Variants in CAPS2 observed in about 807,000 individuals in gnomAD.
The protein encoded by CAPS2 is calcyphosin-2.
Under a neutral mutation model 86.5 loss-of-function variants are expected in CAPS2, and 98 were observed. The observed-to-expected ratio is 1.13, with a 90% CI of 0.96 to 1.34. The LOEUF (loss-of-function observed/expected upper bound fraction) is 1.34. Among genes scored for constraint, CAPS2 ranks in the 40% most tolerant of loss-of-function variants. The pLI, the probability that CAPS2 is intolerant of heterozygous loss-of-function variation, is 0.00. For missense variants in CAPS2, 729 were observed against 686.8 expected, an observed-to-expected ratio of 1.06 and a Z score of -0.69; for synonymous variants, 210 against 225.1, an observed-to-expected ratio of 0.93 and a Z score of 0.60.
intron 1 of CAPS2, among the ~76,000 whole-genome samples, chr12:75,362,232 T>C (rs79607629): frequency 0.038 from 5,851 of 152,144 alleles, 129 homozygotes; most frequent in East Asian, 0.052. Context: ...AAAGAAGATA[T>C]GTAGGTAACA....
intron 1 of CAPS2, among the ~76,000 whole-genome samples, chr12:75,368,927 C>T (rs2139684956): frequency 6.6e-6 from 1 of 151,916 alleles, no homozygotes; most frequent in East Asian, 1.9e-4. Context: ...ATCCACATTT[C>T]AATGAAATTC....
At chr12:75,381,614 G>GTTTT (rs34705874) in intron 1 of CAPS2, among the ~76,000 whole-genome samples, 9 of 87,918 alleles carry the variant, frequency 1.0e-4, no homozygotes, top group African/African-American at 1.9e-4. Flanking sequence ...TTTCTTAAGT[G>GTTTT]TTTTTTTTTT....
upstream of CAPS2, chr12:75,329,800 CT>C (rs1389704014): frequency 9.6e-5 from 146 of 1,526,810 alleles, no homozygotes; most frequent in Non-Finnish European, 1.2e-4. Flanking sequence ...ATCACTCCCC[CT>C]GCTCCCAAAT....
intron 16 of CAPS2, among the ~76,000 whole-genome samples, chr12:75,280,336 T>A (rs193275565): frequency 6.6e-6 from 1 of 151,998 alleles, no homozygotes; most frequent in Non-Finnish European, 1.5e-5. Context: ...TGGGGTACTT[T>A]TTTTCTTCTT....
chr12:75,345,755 T>C (rs1332660886), intron 1 of CAPS2, among the ~76,000 whole-genome samples: 1 of 152,174 alleles, frequency 6.6e-6, no homozygotes, highest in African/African-American at 2.4e-5. Flanking sequence ...TAAGATGATA[T>C]CAAGGCTGAG....
At chr12:75,378,583 A>G (rs2044785714) in intron 1 of CAPS2, among the ~76,000 whole-genome samples, 1 of 152,146 alleles carries the variant, frequency 6.6e-6, no homozygotes, top group Middle Eastern at 3.2e-3. Context: ...CAAATGTTGA[A>G]AACTCAGGCA....
At chr12:75,377,425 A>G (rs2044706433) in intron 1 of CAPS2, among the ~76,000 whole-genome samples, 2 of 152,214 alleles carry the variant, frequency 1.3e-5, no homozygotes, top group Non-Finnish European at 2.9e-5. Context: ...CAAGGAAGCC[A>G]GCAGTGGCTC....
chr12:75,370,166 G>A, intron 1 of CAPS2: 2 of 1,534,136 alleles, frequency 1.3e-6, no homozygotes, highest in Non-Finnish European at 1.8e-6. Flanking sequence ...CTTCTTCTGA[G>A]AATCTTTTAA....
chr12:75,310,241 A>G (rs753736389), intron 7 of CAPS2, among the ~76,000 whole-genome samples: 4 of 152,244 alleles, frequency 2.6e-5, no homozygotes, highest in Non-Finnish European at 4.4e-5. Context: ...AGAAATGGTA[A>G]GAAGATACAA....
chr12:75,311,593 C>G (rs188277882), intron 7 of CAPS2, among the ~76,000 whole-genome samples: 224 of 151,600 alleles, frequency 1.5e-3, no homozygotes, highest in Non-Finnish European at 2.5e-3. Context: ...AATAACTGAG[C>G]TGTTGGGCAC....
intron 2 of CAPS2, among the ~76,000 whole-genome samples, chr12:75,325,038 T>A (rs1244287995): frequency 6.6e-6 from 1 of 152,112 alleles, no homozygotes; most frequent in Non-Finnish European, 1.5e-5. Context: ...ACCAAAGAAG[T>A]ATTACCTATA....
chr12:75,314,526 T>C (rs534460050), intron 6 of CAPS2, among the ~76,000 whole-genome samples: 12 of 152,294 alleles, frequency 7.9e-5, no homozygotes, highest in Non-Finnish European at 1.2e-4. Flanking sequence ...TGTGTCACTC[T>C]CTAAGCTCAT....
chr12:75,276,412 G>T (rs1428541829), downstream of CAPS2: 1 of 981,016 alleles, frequency 1.0e-6, no homozygotes, highest in East Asian at 1.1e-4. Flanking sequence ...GAAGTCAAAA[G>T]TAATATGTAA....
chr12:75,385,579 T>C (rs1169022528), intron 1 of CAPS2, among the ~76,000 whole-genome samples: 1 of 152,196 alleles, frequency 6.6e-6, no homozygotes, highest in African/African-American at 2.4e-5. Context: ...TCATCACTGC[T>C]CTTCAACTTC....
intron 15 of CAPS2, among the ~76,000 whole-genome samples, chr12:75,283,355 G>A (rs2034313620): frequency 6.6e-6 from 1 of 152,178 alleles, no homozygotes; most frequent in African/African-American, 2.4e-5. Flanking sequence ...TATGGAAGCT[G>A]TTGTAGATTG....
At chr12:75,287,606 G>T (rs2035122323) in intron 14 of CAPS2, among the ~76,000 whole-genome samples, 1 of 152,170 alleles carries the variant, frequency 6.6e-6, no homozygotes, top group Non-Finnish European at 1.5e-5. Flanking sequence ...GGGAGCTTCT[G>T]GGTAGCTAAG....
intron 1 of CAPS2, among the ~76,000 whole-genome samples, chr12:75,355,226 T>A (rs1259888754): frequency 6.6e-6 from 1 of 152,086 alleles, no homozygotes; most frequent in Non-Finnish European, 1.5e-5. Context: ...TAGCAATCTA[T>A]CCATCTGACA....
intron 9 of CAPS2, among the ~76,000 whole-genome samples, chr12:75,299,300 T>G (rs2037423134): frequency 1.3e-5 from 2 of 152,186 alleles, no homozygotes; most frequent in Admixed American, 1.3e-4. Flanking sequence ...AGATACAAAT[T>G]TATTATCTTT....
intron 8 of CAPS2, 60 bp downstream of exon 8, chr12:75,304,697 T>A: frequency 7.8e-7 from 1 of 1,277,142 alleles, no homozygotes; most frequent in Admixed American, 2.5e-5. Context: ...CAGAAGTACA[T>A]TTTAAAAATA....
Sources: allele counts gnomAD v4.1 joint callset (sites outside exome capture counted in the v4.1 genomes callset), GRCh38; gene constraint gnomAD v4.1.1; transcripts MANE v1.5; gene names NCBI Gene and HGNC (gene_info 2026-07-23, HGNC 2026-07-21).